The following SLC18A1 variants were observed in gnomAD, a reference collection of about 807,000 sequenced individuals.
The protein encoded by SLC18A1 is solute carrier family 18 member A1.
Under a neutral mutation model 53.7 loss-of-function variants are expected in SLC18A1, and 69 were observed. That is an observed-to-expected ratio of 1.28 (90% confidence interval 1.06 to 1.57). The LOEUF (loss-of-function observed/expected upper bound fraction) is 1.57, where lower values mean the gene tolerates loss of function less well. Ranked by LOEUF, SLC18A1 falls within the 40% of genes most tolerant of loss-of-function variation. The pLI is 0.00. For missense variants in SLC18A1, 932 were observed against 668.1 expected (o/e 1.40, Z -4.35); for synonymous variants, 320 against 248.1 (o/e 1.29, Z -2.72).
intron 12 of SLC18A1, among the ~76,000 whole-genome samples, chr8:20,149,415 T>C (rs968383215): frequency 9.2e-5 from 14 of 152,018 alleles, no homozygotes; most frequent in Middle Eastern, 3.4e-3. Context: ...GCCCTCTTCC[T>C]CTCCTTTCCC....
chr8:20,164,754 G>A (rs144890324), intron 10 of SLC18A1, 115 bp downstream of exon 10: 8 of 749,504 alleles, frequency 1.1e-5, no homozygotes, highest in African/African-American at 3.5e-5. Flanking sequence ...GGGTGTGGAC[G>A]TGGGAGGTCA....
At chr8:20,158,498 G>A (rs1044256332) in intron 10 of SLC18A1, among the ~76,000 whole-genome samples, 2 of 152,066 alleles carry the variant, frequency 1.3e-5, no homozygotes, top group African/African-American at 2.4e-5. Flanking sequence ...ATGGAGGAGC[G>A]AAGAATGCCC....
intron 8 of SLC18A1, among the ~76,000 whole-genome samples, chr8:20,165,813 T>C (rs1200736778): frequency 6.6e-6 from 1 of 152,154 alleles, no homozygotes; most frequent in Non-Finnish European, 1.5e-5. Flanking sequence ...CTTAAATGGC[T>C]CCTTCTTTTC....
At chr8:20,146,322 A>C (rs894893692) in intron 15 of SLC18A1, among the ~76,000 whole-genome samples, 2 of 152,142 alleles carry the variant, frequency 1.3e-5, no homozygotes, top group African/African-American at 4.8e-5. Context: ...GACCCTCTGC[A>C]TGTACATGCA....
At chr8:20,146,211 G>A (rs2071393459) in intron 15 of SLC18A1, among the ~76,000 whole-genome samples, 1 of 151,994 alleles carries the variant, frequency 6.6e-6, no homozygotes, top group African/African-American at 2.4e-5. Flanking sequence ...CACCGCGCCC[G>A]GCCAACCACC....
chr8:20,164,879 C>T lies in SLC18A1; in HGVS notation c.1005G>A (p.Lys335=). The change falls in exon 10 of 16, where the codon AAG becomes AAA. Residue 335 remains lysine (K), a synonymous_variant. Transcript: ENST00000276373. ...IWMMQTMCSP[K]WQLGLAFLPA... ...GCTGAGGTCACTTACCCAGCTGCCACTTGGGGGAGCACATGGTCTGCATCA... is the reference window on the plus strand; with the variant it reads ...GCTGAGGTCACTTACCCAGCTGCCATTTGGGGGAGCACATGGTCTGCATCA... 3 of 1,609,674 alleles carry T rather than the reference C, an allele frequency of 1.9e-6. No homozygotes were observed. Among genetic ancestry groups the T allele is most frequent in the Non-Finnish European group, 2.5e-6 (3 of 1,176,514 alleles).
intron 10 of SLC18A1, among the ~76,000 whole-genome samples, chr8:20,157,352 C>T (rs1244371920): frequency 6.6e-6 from 1 of 152,112 alleles, no homozygotes; most frequent in African/African-American, 2.4e-5. Context: ...TCAGTCAGGT[C>T]AATGATAGGG....
chr8:20,147,164 AG>A, intron 15 of SLC18A1, 93 bp downstream of exon 15: 1 of 1,343,602 alleles, frequency 7.4e-7, no homozygotes, highest in Non-Finnish European at 1.0e-6. Context: ...AGAGCAATAG[AG>A]GGAGGAAATA....
chr8:20,170,265 C>A (rs1195041153), intron 8 of SLC18A1, among the ~76,000 whole-genome samples: 3 of 152,180 alleles, frequency 2.0e-5, no homozygotes, highest in Admixed American at 1.3e-4. Flanking sequence ...GTTTCAAATT[C>A]TTTCAGATGC....
Position 20,162,620 on chromosome 8 carries a change from A to G in SLC18A1, c.1015+2249T>C, listed in dbSNP as rs550403767. 1.4e-4 allele frequency among the ~76,000 whole-genome samples: 21 copies of G among 152,352 alleles called. No homozygotes were observed. The East Asian group carries it at 3.9e-3, about 28-fold the overall frequency. The stretch of plus-strand genomic sequence containing the variant: ...TTCCATGAAGTCCTAGGTTATGGAT[A>G]CAAGTCTGCCAAGTTTTTTGTAACT... On this transcript the variant is annotated intron_variant, in intron 10 of 15. Transcript: ENST00000276373.
intron 10 of SLC18A1, among the ~76,000 whole-genome samples, chr8:20,153,167 C>G (rs980639385): frequency 6.6e-6 from 1 of 152,122 alleles, no homozygotes; most frequent in Non-Finnish European, 1.5e-5. Context: ...GTGAAACCCA[C>G]TTTAGGTTTG....
At chr8:20,162,772 T>C (rs1318865906) in intron 10 of SLC18A1, among the ~76,000 whole-genome samples, 1 of 152,208 alleles carries the variant, frequency 6.6e-6, no homozygotes, top group African/African-American at 2.4e-5. Context: ...TCTTAACCAA[T>C]GTCTAAAAAG....
intron 10 of SLC18A1, among the ~76,000 whole-genome samples, chr8:20,151,275 C>G (rs1023449210): frequency 1.3e-5 from 2 of 152,028 alleles, no homozygotes; most frequent in Non-Finnish European, 2.9e-5. Context: ...ATGTGAGCCC[C>G]CACACCTGGC....
chr8:20,172,848 G>A (rs749963354), intron 6 of SLC18A1, among the ~76,000 whole-genome samples, 188 bp downstream of exon 6: 18 of 152,140 alleles, frequency 1.2e-4, no homozygotes, highest in Non-Finnish European at 2.2e-4. Context: ...ACCTTTCTCC[G>A]ACGTTTATGT....
intron 10 of SLC18A1, 167 bp from the exon 11 acceptor site, chr8:20,150,911 A>T: frequency 1.6e-6 from 1 of 617,178 alleles, no homozygotes. Flanking sequence ...TTGCCATAGG[A>T]CCCCCACACC....
intron 10 of SLC18A1, among the ~76,000 whole-genome samples, chr8:20,162,085 AC>A (rs1344879839): frequency 6.6e-6 from 1 of 152,210 alleles, no homozygotes; most frequent in African/African-American, 2.4e-5. Context: ...AGGCCAGGCC[AC>A]ATCTGGGCCC....
intron 1 of SLC18A1, among the ~76,000 whole-genome samples, chr8:20,182,177 T>C (rs1475370953): frequency 6.6e-6 from 1 of 152,192 alleles, no homozygotes; most frequent in Non-Finnish European, 1.5e-5. Flanking sequence ...AAAAATTGTA[T>C]ACTCTTTGAC....
At position 20,148,067 on chromosome 8, in the gene SLC18A1, G is replaced by A. The variant is rs764091065; in HGVS notation, c.1150C>T (p.Pro384Ser). ...AGACCAAAAATATTGTGAGCCAGAGGAACCTGCATGGGGAAGGAGGAAGAG... is the reference window on the plus strand; with the variant it reads ...AGACCAAAAATATTGTGAGCCAGAGAAACCTGCATGGGGAAGGAGGAAGAG... The part of the protein sequence containing the change: ...LVVGTSLLCV[P>S]LAHNIFGLIG... The change falls in exon 13 of 16, where the codon CCT (proline) becomes TCT (serine). Residue 384 changes from proline to serine, a missense_variant. Physicochemically the swap from Pro to Ser is moderately conservative, Grantham distance 74. Transcript: ENST00000276373. 1.2e-6 allele frequency: 2 copies of A among 1,614,104 alleles called. No individual in the cohort carries two copies. The highest frequency in any genetic ancestry group is 2.2e-5 in the East Asian group (1 of 44,880).
At chr8:20,158,691 C>T (rs887048954) in intron 10 of SLC18A1, among the ~76,000 whole-genome samples, 3 of 152,150 alleles carry the variant, frequency 2.0e-5, no homozygotes, top group Non-Finnish European at 2.9e-5. Context: ...ACCCAACGGA[C>T]AGTGGAGGTT....
Sources: gnomAD v4.1 joint callset for allele counts (sites outside exome capture counted in the v4.1 genomes callset) on GRCh38, gnomAD v4.1.1 for gene constraint, MANE v1.5 for transcripts, NCBI Gene and HGNC (gene_info 2026-07-23, HGNC 2026-07-21) for gene names.